Variants in TRAF3IP1 observed in about 807,000 individuals in gnomAD.
TRAF3IP1 encodes the protein TRAF3-interacting protein 1.
Under a neutral mutation model 89.9 loss-of-function variants are expected in TRAF3IP1, and 53 were observed. That is an observed-to-expected ratio of 0.59 (90% CI 0.47 to 0.74). TRAF3IP1 has a LOEUF of 0.74. Ranked by LOEUF, TRAF3IP1 falls within the 30% of genes least tolerant of loss-of-function variation. The probability of loss-of-function intolerance (pLI) is 0.00; values close to 1 mark genes in which losing one functional copy is unlikely to be tolerated. For missense variants in TRAF3IP1, 806 were observed against 866.1 expected, an observed-to-expected ratio of 0.93 and a Z score of 0.87; for synonymous variants, 311 against 322.1, an observed-to-expected ratio of 0.97 and a Z score of 0.37.
chr2:238,358,454 T>G (rs1206257680), intron 15 of TRAF3IP1, among the ~76,000 whole-genome samples: 1 of 152,196 alleles, frequency 6.6e-6, no homozygotes, highest in Non-Finnish European at 1.5e-5. Context: ...AAGAATCGCT[T>G]GAGCCCAGGA....
At chr2:238,366,501 T>C (rs1292425289) in intron 15 of TRAF3IP1, among the ~76,000 whole-genome samples, 2 of 152,202 alleles carry the variant, frequency 1.3e-5, no homozygotes, top group Admixed American at 6.5e-5. Flanking sequence ...AAAATGTGTT[T>C]AGCTGTATTG....
chr2:238,352,897 C>A lies in TRAF3IP1; in HGVS notation c.1522C>A (p.Gln508Lys). The change falls in exon 13 of 17, where the codon CAA becomes AAA. Residue 508 changes from glutamine (Q) to lysine (K), a missense_variant. Coordinates refer to ENST00000373327, the MANE Select transcript of TRAF3IP1 (RefSeq NM_015650.4). ...CAATTCTGACAATGAAGAGGATGAT[C>A]AATTTGTGGTGGAAGCTGCCCCTCA... Reference protein sequence around the residue: ...SHNSDNEEDDQFVVEAAPQLS... With the variant: ...SHNSDNEEDDKFVVEAAPQLS... 6.2e-7 allele frequency: 1 copy of A among 1,613,878 alleles called. No homozygotes were observed. The highest frequency in any genetic ancestry group is 1.1e-5 in the South Asian group (1 of 90,996).
intron 9 of TRAF3IP1, among the ~76,000 whole-genome samples, chr2:238,344,871 C>T (rs898790398): frequency 6.6e-5 from 10 of 152,198 alleles, no homozygotes; most frequent in Admixed American, 3.3e-4. Context: ...CATGAGTGGT[C>T]CCTGAAAAGT....
chr2:238,397,543 A>G lies in TRAF3IP1; in HGVS notation c.1774A>G (p.Thr592Ala), dbSNP rs1701284390. 6.2e-7 allele frequency: 1 copy of G among 1,612,890 alleles called. No homozygotes were observed. Among genetic ancestry groups the G allele is most frequent in the African/African-American group, 1.3e-5 (1 of 74,888 alleles). ...AGAGAAGCTCCGCACGTCCATCCAG[A>G]CCCTGTGCAAGAGCGCACTTCCCCT... ...EIEKLRTSIQ[T>A]LCKSALPLGK... is the part of the protein sequence containing the mutation. The change falls in exon 16 of 17, where the codon ACC becomes GCC. Residue 592 changes from threonine to alanine, a missense_variant. Transcript: ENST00000373327.
intron 12 of TRAF3IP1, 96 bp from the exon 13 acceptor site, chr2:238,352,731 A>G: frequency 1.6e-6 from 2 of 1,234,822 alleles, no homozygotes; most frequent in South Asian, 3.1e-5. Flanking sequence ...ATGGTTGGTG[A>G]TTAGATTCCT....
chr2:238,378,642 G>A (rs541922492), intron 15 of TRAF3IP1, among the ~76,000 whole-genome samples: 2 of 152,274 alleles, frequency 1.3e-5, no homozygotes, highest in Non-Finnish European at 2.9e-5. Context: ...TTTGTGTTTA[G>A]GTTTTAGAAT....
intron 15 of TRAF3IP1, among the ~76,000 whole-genome samples, chr2:238,385,182 A>AT (rs1345676906): frequency 6.6e-6 from 1 of 151,666 alleles, no homozygotes; most frequent in African/African-American, 2.4e-5. Flanking sequence ...CGCCCGGCTA[A>AT]TTTTTTGTAT....
At chr2:238,366,057 A>T (rs1364237852) in intron 15 of TRAF3IP1, among the ~76,000 whole-genome samples, 5 of 152,290 alleles carry the variant, frequency 3.3e-5, no homozygotes, top group African/African-American at 1.2e-4. Flanking sequence ...CATCCTGGCT[A>T]ATATGGTGAA....
rs1462360596 is a variant in TRAF3IP1 at position 238,320,722 on chromosome 2, G to A, written c.60G>A (p.Pro20=). The A allele has an allele frequency of 2.8e-6, 4 of 1,449,600 alleles. No individual in the cohort carries two copies. The highest frequency in any genetic ancestry group is 2.8e-6 in the Non-Finnish European group (3 of 1,090,114). 89.8% of individuals were successfully genotyped at this position (1,449,600 alleles called of 1,614,324 possible). A position where few individuals can be genotyped will look rare whatever the true frequency, so the allele number is the denominator to read the frequency against. The part of the protein sequence containing the change: ...QEALGKVIRR[P]PLTEKLLSKP... ...CGCTGGGGAAAGTGATTCGGAGGCCGCCGCTGACCGAGAAGCTGCTGAGCA... is the reference window on the plus strand; with the variant it reads ...CGCTGGGGAAAGTGATTCGGAGGCCACCGCTGACCGAGAAGCTGCTGAGCA... Residue 20 remains proline (P), a synonymous_variant, in exon 1 of 17, where the codon CCG becomes CCA. Coordinates refer to ENST00000373327, the MANE Select transcript of TRAF3IP1 (RefSeq NM_015650.4).
chr2:238,349,364 C>A lies in TRAF3IP1; in HGVS notation c.1407C>A (p.Pro469=), dbSNP rs548950530. 5 of 1,614,026 alleles carry A rather than the reference C, an allele frequency of 3.1e-6. No individual in the cohort carries two copies. Among genetic ancestry groups the A allele is most frequent in the Non-Finnish European group, 4.2e-6 (5 of 1,180,036 alleles). ...PRPGSARPAP[P]RVKRQDSMEA... The stretch of plus-strand genomic sequence containing the variant: ...CTGGGAGTGCAAGACCAGCCCCTCC[C>A]CGGGTCAAACGGCAAGACAGCATGG... The change falls in exon 12 of 17, where the codon CCC becomes CCA. Residue 469 remains proline, a synonymous_variant. Transcript: ENST00000373327.
chr2:238,370,216 C>T (rs58658230), intron 15 of TRAF3IP1, among the ~76,000 whole-genome samples: 5,139 of 151,536 alleles, frequency 0.034, 277 homozygotes, highest in African/African-American at 0.12. Context: ...TATATGTGAA[C>T]GTGTATGTGT....
chr2:238,354,484 C>T (rs1403627425), intron 14 of TRAF3IP1, among the ~76,000 whole-genome samples: 1 of 152,092 alleles, frequency 6.6e-6, no homozygotes, highest in Non-Finnish European at 1.5e-5. Flanking sequence ...GCATCTCTTC[C>T]ATCTCATGCC....
At chr2:238,333,354 G>A (rs1036855675) in intron 6 of TRAF3IP1, among the ~76,000 whole-genome samples, 10 of 152,164 alleles carry the variant, frequency 6.6e-5, no homozygotes, top group Admixed American at 3.3e-4. Context: ...CACGTGGGCC[G>A]TCTTGTGGAG....
chr2:238,380,503 C>T (rs1041592570), intron 15 of TRAF3IP1, among the ~76,000 whole-genome samples: 2 of 152,156 alleles, frequency 1.3e-5, no homozygotes, highest in East Asian at 1.9e-4. Context: ...TCCCCCTAAC[C>T]GATAGGAAAC....
At chr2:238,371,353 T>C (rs1046494564) in intron 15 of TRAF3IP1, among the ~76,000 whole-genome samples, 1 of 151,996 alleles carries the variant, frequency 6.6e-6, no homozygotes, top group African/African-American at 2.4e-5. Context: ...CAAGAAAAAA[T>C]AGGTTCTTTT....
intron 5 of TRAF3IP1, among the ~76,000 whole-genome samples, chr2:238,331,536 C>A (rs760744287): frequency 1.3e-4 from 20 of 152,050 alleles, no homozygotes; most frequent in Non-Finnish European, 2.5e-4. Context: ...CATATCAGAG[C>A]CAAGTATAAT....
At chr2:238,357,409 A>ACAC (rs1268270257) in intron 15 of TRAF3IP1, among the ~76,000 whole-genome samples, 36 of 152,208 alleles carry the variant, frequency 2.4e-4, no homozygotes, top group African/African-American at 8.0e-4. Flanking sequence ...ATACGTACAC[A>ACAC]CACATGCACA....
intron 5 of TRAF3IP1, among the ~76,000 whole-genome samples, chr2:238,331,299 T>TA (rs61126298): frequency 5.3e-3 from 635 of 120,028 alleles, no homozygotes; most frequent in African/African-American, 6.3e-3. Context: ...CCATCTCTAC[T>TA]AAAAAAAAAA....
chr2:238,381,292 C>T (rs929407559), intron 15 of TRAF3IP1, among the ~76,000 whole-genome samples: 2 of 152,180 alleles, frequency 1.3e-5, no homozygotes, highest in African/African-American at 2.4e-5. Flanking sequence ...CACCCGCATT[C>T]CAGAAACTTT....
Sources: allele counts gnomAD v4.1 joint callset (sites outside exome capture counted in the v4.1 genomes callset), GRCh38; gene constraint gnomAD v4.1.1; transcripts MANE v1.5; gene names NCBI Gene and HGNC (gene_info 2026-07-23, HGNC 2026-07-21).